Variants in SRPX observed in about 807,000 individuals in gnomAD.
SRPX encodes sushi repeat-containing protein SRPX.
Under a neutral mutation model 38.1 loss-of-function variants are expected in SRPX, and 24 were observed. That is an observed-to-expected ratio of 0.63 (90% CI 0.46 to 0.89). SRPX has a LOEUF of 0.89. Among genes scored for constraint, SRPX ranks in the 40% least tolerant of loss-of-function variants. SRPX has a pLI of 0.00. For missense variants in SRPX, 416 were observed against 377.8 expected (o/e 1.10, Z -0.84); for synonymous variants, 184 against 153.8 (o/e 1.20, Z -1.45).
intron 5 of SRPX, 127 bp from the exon 6 acceptor site, chrX:38,161,181 A>C: frequency 5.3e-6 from 4 of 759,630 alleles, no homozygotes; most frequent in Non-Finnish European, 5.4e-6. Flanking sequence ...TAAATAAAAC[A>C]AAAATTTCTT....
At chrX:38,198,149 G>C (rs1262340328) in intron 1 of SRPX, among the ~76,000 whole-genome samples, 2 of 112,115 alleles carry the variant, frequency 1.8e-5, no homozygotes, top group African/African-American at 6.5e-5. Context: ...GTACAGAAAG[G>C]TGGAGGACAG....
At chrX:38,214,896 C>A (rs1448928123) in intron 1 of SRPX, among the ~76,000 whole-genome samples, 1 of 111,757 alleles carries the variant, frequency 8.9e-6, no homozygotes, top group Non-Finnish European at 1.9e-5. Context: ...GCCACCCACA[C>A]AATAAGCGGC....
chrX:38,201,981 CT>C (rs1939121555), intron 1 of SRPX, among the ~76,000 whole-genome samples: 1 of 111,987 alleles, frequency 8.9e-6, no homozygotes, highest in African/African-American at 3.2e-5. Flanking sequence ...AAAAGAAGAA[CT>C]GTAATGCTTC....
intron 1 of SRPX, among the ~76,000 whole-genome samples, chrX:38,218,171 T>C (rs1423134711): frequency 3.6e-5 from 4 of 112,127 alleles, no homozygotes; most frequent in African/African-American, 1.3e-4. Context: ...ACCACGCTAC[T>C]TTACCAGTTT....
intron 5 of SRPX, 22 bp from the exon 6 acceptor site, chrX:38,161,076 A>G: frequency 8.3e-7 from 1 of 1,206,147 alleles, no homozygotes; most frequent in Non-Finnish European, 1.1e-6. Flanking sequence ...AAAATCAGAA[A>G]CAGGAAAGAT....
chrX:38,214,914 C>T (rs753076100), intron 1 of SRPX, among the ~76,000 whole-genome samples: 1 of 111,761 alleles, frequency 8.9e-6, no homozygotes, highest in Non-Finnish European at 1.9e-5. Flanking sequence ...GGCAGGCGAG[C>T]GTCATCCATT....
chrX:38,199,188 C>T (rs1939059126), intron 1 of SRPX, among the ~76,000 whole-genome samples: 1 of 111,406 alleles, frequency 9.0e-6, no homozygotes, highest in Non-Finnish European at 1.9e-5. Context: ...GGGTGGATCA[C>T]GAGGTCAGGA....
At chrX:38,150,231 AATGGTGCCAC>A (rs1307439383) in intron 9 of SRPX, among the ~76,000 whole-genome samples, 1 of 112,458 alleles carries the variant, frequency 8.9e-6, no homozygotes, top group Non-Finnish European at 1.9e-5. Flanking sequence ...TCAGGCGTAC[AATGGTGCCAC>A]ATACCAACGT....
At chrX:38,202,123 T>C (rs1045785174) in intron 1 of SRPX, among the ~76,000 whole-genome samples, 2 of 112,434 alleles carry the variant, frequency 1.8e-5, no homozygotes, top group Non-Finnish European at 3.8e-5. Context: ...AGCAATTGTA[T>C]AGCAAACTCT....
intron 1 of SRPX, among the ~76,000 whole-genome samples, chrX:38,203,003 A>G (rs1939139823): frequency 8.9e-6 from 1 of 112,270 alleles, no homozygotes; most frequent in South Asian, 3.7e-4. Context: ...ATCAGTCATG[A>G]ACACAGATGC....
intron 4 of SRPX, among the ~76,000 whole-genome samples, chrX:38,167,070 G>A (rs1204405304): frequency 9.0e-6 from 1 of 111,251 alleles, no homozygotes. Flanking sequence ...CTTCCTACAT[G>A]CCCACCCCAT....
chrX:38,170,645 T>C (rs893277656), intron 4 of SRPX, among the ~76,000 whole-genome samples: 1 of 111,820 alleles, frequency 8.9e-6, no homozygotes, highest in African/African-American at 3.3e-5. Context: ...TCTCCTGAAT[T>C]TGGGGTTCAT....
intron 5 of SRPX, among the ~76,000 whole-genome samples, chrX:38,162,312 G>C (rs1396128951): frequency 9.0e-6 from 1 of 111,671 alleles, no homozygotes; most frequent in Admixed American, 9.5e-5. Context: ...AATGGTGGAA[G>C]GGGTCATAGG....
chrX:38,205,543 A>C (rs757326102), intron 1 of SRPX, among the ~76,000 whole-genome samples: 1 of 112,026 alleles, frequency 8.9e-6, no homozygotes, highest in Non-Finnish European at 1.9e-5. Context: ...TGTCATATTC[A>C]AGAAATCTCT....
chrX:38,190,246 C>A (rs981192986), intron 1 of SRPX, among the ~76,000 whole-genome samples: 2 of 111,798 alleles, frequency 1.8e-5, no homozygotes, highest in African/African-American at 6.5e-5. Context: ...CATTAAATGG[C>A]AGAGAGAGAC....
chrX:38,208,848 CT>C (rs776432762), intron 1 of SRPX, among the ~76,000 whole-genome samples: 3,036 of 79,536 alleles, frequency 0.038, 96 homozygotes, highest in African/African-American at 0.092. Flanking sequence ...TGACTAATTT[CT>C]TTTTTTTTTT....
At position 38,154,545 on chromosome X, in the gene SRPX, C is replaced by T. The variant is rs1162310676; in HGVS notation, c.1128G>A (p.Val376=). 1.7e-6 allele frequency: 2 copies of T among 1,208,351 alleles called. No individual in the cohort carries two copies. The highest frequency in any genetic ancestry group is 3.5e-5 in the African/African-American group (2 of 57,713). ...QCGLDLRHIT[V]VELVGVFPTL... ...TCGGGAACACACCCACCAGCTCCAC[C>T]ACGGTGATGTGTCGAAGATCAAGGC... is the stretch of plus-strand genomic sequence containing the variant. Residue 376 remains valine (V), a synonymous_variant, in exon 9 of 10, where the codon GTG becomes GTA. Coordinates refer to ENST00000378533, the MANE Select transcript of SRPX (RefSeq NM_006307.5).
chrX:38,179,400 C>T (rs1406975210), intron 1 of SRPX, among the ~76,000 whole-genome samples: 1 of 112,281 alleles, frequency 8.9e-6, no homozygotes, highest in Non-Finnish European at 1.9e-5. Flanking sequence ...ATCCTTAATC[C>T]TTGAAGTGGT....
chrX:38,203,515 A>T (rs1939152917), intron 1 of SRPX, among the ~76,000 whole-genome samples: 1 of 113,030 alleles, frequency 8.8e-6, no homozygotes, highest in Admixed American at 9.3e-5. Flanking sequence ...CCGGTAGCTC[A>T]CGCCTGTAAT....
Sources: gnomAD v4.1 joint callset for allele counts (sites outside exome capture counted in the v4.1 genomes callset) on GRCh38, gnomAD v4.1.1 for gene constraint, MANE v1.5 for transcripts, NCBI Gene and HGNC (gene_info 2026-07-23, HGNC 2026-07-21) for gene names.